The following TACR1 variants were observed in gnomAD, a reference collection of about 807,000 sequenced individuals.
TACR1 encodes substance-P receptor.
Under a neutral mutation model 35.8 loss-of-function variants are expected in TACR1, and 25 were observed. That is an observed-to-expected ratio of 0.70 (90% confidence interval 0.51 to 0.98). The LOEUF is 0.98. TACR1 is among the 50% of genes least tolerant of loss of function. TACR1 has a pLI of 0.00. For missense variants in TACR1, 478 were observed against 522.9 expected (o/e 0.91, Z 0.84); for synonymous variants, 195 against 206.7 (o/e 0.94, Z 0.48).
At chr2:75,186,492 A>AT (rs1185340092) in intron 1 of TACR1, among the ~76,000 whole-genome samples, 3 of 151,558 alleles carry the variant, frequency 2.0e-5, no homozygotes, top group African/African-American at 7.2e-5. Context: ...TCTTCAAACT[A>AT]TTTTTTTGTA....
At position 75,161,908 on chromosome 2, in the gene TACR1, A is replaced by G. The variant is rs532307060; in HGVS notation, c.389+36638T>C. Among the ~76,000 whole-genome samples, 9 of 152,218 alleles carry G rather than the reference A, an allele frequency of 5.9e-5. No individual in the cohort carries two copies. In the East Asian group the frequency reaches 7.7e-4, roughly 13 times the overall value. On this transcript the variant is annotated intron_variant, in intron 1 of 4. Coordinates refer to ENST00000305249, the MANE Select transcript of TACR1 (RefSeq NM_001058.4). The stretch of plus-strand genomic sequence containing the variant: ...CTATATCTTCTCATCAGTTCTGTGG[A>G]GAGAAACAGATGGGCAATATTGAGT...
intron 2 of TACR1, among the ~76,000 whole-genome samples, chr2:75,068,438 C>T (rs747923716): frequency 2.0e-5 from 3 of 152,098 alleles, no homozygotes; most frequent in Admixed American, 6.5e-5. Context: ...CCAGGTGACA[C>T]GCAAAATTAA....
chr2:75,114,149 T>C (rs574295989), intron 2 of TACR1, among the ~76,000 whole-genome samples: 20 of 152,328 alleles, frequency 1.3e-4, no homozygotes, highest in African/African-American at 4.6e-4. Context: ...CCACAAAATA[T>C]CCAGTTAATT....
intron 2 of TACR1, among the ~76,000 whole-genome samples, chr2:75,078,863 C>T (rs774373447): frequency 3.4e-4 from 51 of 152,158 alleles, no homozygotes; most frequent in Non-Finnish European, 6.6e-4. Flanking sequence ...AGAGAGCTTT[C>T]GTTGCTTTAG....
chr2:75,149,121 G>A (rs372953861), intron 1 of TACR1, among the ~76,000 whole-genome samples: 18 of 152,084 alleles, frequency 1.2e-4, no homozygotes, highest in Non-Finnish European at 2.1e-4. Flanking sequence ...TTTGGTTACC[G>A]TAGCCTTGTA....
At chr2:75,088,209 C>G (rs934296634) in intron 2 of TACR1, among the ~76,000 whole-genome samples, 1 of 152,226 alleles carries the variant, frequency 6.6e-6, no homozygotes, top group African/African-American at 2.4e-5. Context: ...CCTCTGCACC[C>G]TGCTCCAGCC....
chr2:75,096,474 G>A (rs927188958), intron 2 of TACR1, among the ~76,000 whole-genome samples: 1 of 152,184 alleles, frequency 6.6e-6, no homozygotes. Context: ...TTAATTGTGT[G>A]TATTGGGGTA....
chr2:75,192,391 T>A (rs1210709787), intron 1 of TACR1, among the ~76,000 whole-genome samples: 2 of 152,210 alleles, frequency 1.3e-5, no homozygotes, highest in Non-Finnish European at 2.9e-5. Flanking sequence ...AAATTTCATT[T>A]CAAGAAAAGG....
intron 1 of TACR1, among the ~76,000 whole-genome samples, chr2:75,192,557 T>C (rs547566355): frequency 6.6e-6 from 1 of 152,352 alleles, no homozygotes; most frequent in Admixed American, 6.5e-5. Flanking sequence ...AAAAGGCCTC[T>C]AGTATTTTCT....
intron 2 of TACR1, among the ~76,000 whole-genome samples, chr2:75,088,317 C>G (rs1477556323): frequency 1.3e-5 from 2 of 152,028 alleles, no homozygotes; most frequent in Non-Finnish European, 2.9e-5. Flanking sequence ...CACCCTCCTT[C>G]CTTCCCTCTC....
In TACR1 at chr2:75,125,170, C is replaced by CT. The variant is rs1318406456; in HGVS notation, c.390-4403dup. 1.6e-4 allele frequency among the ~76,000 whole-genome samples: 25 copies of CT among 151,954 alleles called. No individual in the cohort carries two copies. The South Asian group carries it at 2.3e-3, about 14-fold the overall frequency. ...TTTATTTTCTATTTTCTTTTCTTTT[C>CT]TTTTTTTTCTATTCTTTCTTTTTTT... On this transcript the variant is annotated intron_variant, in intron 1 of 4. Transcript: ENST00000305249.
chr2:75,111,277 G>T (rs751527887), intron 2 of TACR1, among the ~76,000 whole-genome samples: 7 of 151,986 alleles, frequency 4.6e-5, no homozygotes, highest in Non-Finnish European at 1.0e-4. Flanking sequence ...TGCATTGAAA[G>T]CCTCTACTCC....
At chr2:75,053,572 A>G in intron 3 of TACR1, 33 bp downstream of exon 3, 3 of 1,487,784 alleles carry the variant, frequency 2.0e-6, no homozygotes, top group Admixed American at 2.4e-5. Flanking sequence ...TGTCTGTGCC[A>G]GGGTGGGTTA....
intron 1 of TACR1, among the ~76,000 whole-genome samples, chr2:75,151,723 C>A (rs1276800131): frequency 6.6e-6 from 1 of 152,152 alleles, no homozygotes; most frequent in Non-Finnish European, 1.5e-5. Flanking sequence ...GGGCCACCAT[C>A]CTCCAGACCC....
intron 1 of TACR1, among the ~76,000 whole-genome samples, chr2:75,183,447 T>A (rs781453611): frequency 6.6e-6 from 1 of 152,208 alleles, no homozygotes; most frequent in Non-Finnish European, 1.5e-5. Context: ...TTAATCACAG[T>A]CTTGTCAAAT....
chr2:75,110,247 A>G (rs1673725521), intron 2 of TACR1, among the ~76,000 whole-genome samples: 1 of 151,828 alleles, frequency 6.6e-6, no homozygotes, highest in Non-Finnish European at 1.5e-5. Context: ...ATTGTGGTCT[A>G]TTTTTCATAT....
Position 75,049,608 on chromosome 2 carries a change from TG to T in TACR1, c.1047del (p.Tyr349Ter). The part of the protein sequence containing the change: ...TRYLQTQGSV[Y>X]KVSRLETTIS... ...ATGGTGGTCTCCAGGCGGCTGACTT[TG>T]TACACACTGCCCTGGGTCTGGAGAT... On this transcript the variant is annotated frameshift_variant, in exon 5 of 5. Transcript: ENST00000305249. LOFTEE classifies it high-confidence loss of function. 6.2e-7 allele frequency: 1 copy of T among 1,614,144 alleles called. No individual in the cohort carries two copies. The highest frequency in any genetic ancestry group is 1.6e-4 in the Middle Eastern group (1 of 6,062).
chr2:75,058,500 A>G (rs1419719591), intron 2 of TACR1, among the ~76,000 whole-genome samples: 1 of 152,218 alleles, frequency 6.6e-6, no homozygotes, highest in African/African-American at 2.4e-5. Flanking sequence ...AGGATGCACT[A>G]TAAGTGAACA....
At chr2:75,058,257 A>G (rs923838071) in intron 2 of TACR1, among the ~76,000 whole-genome samples, 2 of 152,234 alleles carry the variant, frequency 1.3e-5, no homozygotes, top group African/African-American at 4.8e-5. Context: ...CTTTTTCAGA[A>G]AAGTATTTTT....
Sources: allele counts gnomAD v4.1 joint callset (sites outside exome capture counted in the v4.1 genomes callset), GRCh38; gene constraint gnomAD v4.1.1; transcripts MANE v1.5; gene names NCBI Gene and HGNC (gene_info 2026-07-23, HGNC 2026-07-21).